The following ACSF2 variants were observed in gnomAD, a reference collection of about 807,000 sequenced individuals.
ACSF2 encodes medium-chain acyl-CoA ligase ACSF2, mitochondrial.
Under a neutral mutation model 79.3 loss-of-function variants are expected in ACSF2, and 52 were observed. The observed-to-expected ratio is 0.66, with a 90% CI of 0.53 to 0.83. ACSF2 has a LOEUF of 0.83. Among genes scored for constraint, ACSF2 ranks in the 40% least tolerant of loss-of-function variants. The pLI is 0.00. For missense variants in ACSF2, 661 were observed against 803.3 expected (o/e 0.82, Z 2.14); for synonymous variants, 283 against 312.6 (o/e 0.91, Z 1.00).
intron 9 of ACSF2, 129 bp from the exon 10 acceptor site, chr17:50,464,089 G>A (rs1393590160): frequency 1.4e-5 from 17 of 1,254,380 alleles, no homozygotes; most frequent in Admixed American, 1.2e-4. Flanking sequence ...AGGGCCAGCT[G>A]CCAGGTGTAG....
intron 3 of ACSF2, 63 bp from the exon 4 acceptor site, chr17:50,461,570 G>A: frequency 6.2e-7 from 1 of 1,608,824 alleles, no homozygotes; most frequent in Non-Finnish European, 8.5e-7. Context: ...CCTGGGGGCG[G>A]AGGGGCAGCA....
intron 10 of ACSF2, chr17:50,468,881 A>G (rs2032940712): frequency 6.9e-7 from 1 of 1,440,620 alleles, no homozygotes; most frequent in Non-Finnish European, 9.0e-7. Context: ...GGCGAGTCCT[A>G]GGCGCTCGGG....
At position 50,433,823 on chromosome 17, in the gene ACSF2, C is replaced by T. The variant is rs186906607; in HGVS notation, c.128+7434C>T. ...TTGTTTTGGTAGAGACAGATTTCCA[C>T]TTTGTTGCCCCAGGTGGTCTCAAAC... On this transcript the variant is annotated intron_variant, in intron 1 of 15. Transcript: ENST00000300441. Among the ~76,000 whole-genome samples the T allele has an allele frequency of 2.8e-3, 433 of 152,136 alleles. 2 individuals carry two copies. Among genetic ancestry groups the T allele is most frequent in the Non-Finnish European group, 4.9e-3 (331 of 67,986 alleles).
chr17:50,457,169 C>G (rs777497497), intron 1 of ACSF2, among the ~76,000 whole-genome samples: 2 of 152,232 alleles, frequency 1.3e-5, no homozygotes, highest in East Asian at 3.8e-4. Flanking sequence ...CTGGCCTGCT[C>G]TAGGTGACAG....
intron 10 of ACSF2, among the ~76,000 whole-genome samples, chr17:50,466,168 G>T (rs2032709407): frequency 6.9e-6 from 1 of 145,820 alleles, no homozygotes; most frequent in Non-Finnish European, 1.5e-5. Context: ...CTCACTGCAA[G>T]CTCCGCCTCC....
chr17:50,445,975 T>G (rs1243404897), intron 1 of ACSF2, among the ~76,000 whole-genome samples: 1 of 152,188 alleles, frequency 6.6e-6, no homozygotes, highest in Non-Finnish European at 1.5e-5. Flanking sequence ...ACAGTCACAT[T>G]GTACCATGAC....
chr17:50,474,146 C>A lies in ACSF2; in HGVS notation c.1729-53C>A. 1.2e-6 allele frequency: 2 copies of A among 1,608,568 alleles called. No individual in the cohort carries two copies. The highest frequency in any genetic ancestry group is 1.1e-5 in the South Asian group (1 of 90,946). On this transcript the variant is annotated intron_variant, in intron 14 of 15. Coordinates refer to ENST00000300441, the MANE Select transcript of ACSF2 (RefSeq NM_025149.6). This position sits in a 1 kb window ranked among gnomAD's most constrained non-coding sequence, Gnocchi z 4.2. Reference sequence around the variant, plus strand: ...GCCAGCCCCTGGTCCCCTACCCATACCCCTGTGAGCTTGCGCAGCCTCACG... The same window carrying A: ...GCCAGCCCCTGGTCCCCTACCCATAACCCTGTGAGCTTGCGCAGCCTCACG...
Position 50,473,792 on chromosome 17 carries a change from G to C in ACSF2, c.1603G>C (p.Val535Leu). 6.2e-7 allele frequency: 1 copy of C among 1,614,212 alleles called. No individual in the cohort carries two copies. The highest frequency in any genetic ancestry group is 8.5e-7 in the Non-Finnish European group (1 of 1,180,032). The part of the protein sequence containing the change: ...LEDFFHTHPK[V>L]QEVQVVGVKD... ...GGACTTCTTTCACACACACCCGAAG[G>C]TGCAGGAAGTGCAGGTGAGGCACTT... The change falls in exon 13 of 16, where the codon GTG (valine) becomes CTG (leucine). Residue 535 changes from valine to leucine, a missense_variant. Physicochemically the swap from Val to Leu is conservative, Grantham distance 32. Coordinates refer to ENST00000300441, the MANE Select transcript of ACSF2 (RefSeq NM_025149.6).
intron 1 of ACSF2, 75 bp downstream of exon 1, chr17:50,426,464 C>A: frequency 7.9e-7 from 1 of 1,268,214 alleles, no homozygotes; most frequent in South Asian, 3.1e-5. Flanking sequence ...CGGCGAGCTT[C>A]GGAAGCCCCA....
chr17:50,465,386 T>C, intron 10 of ACSF2: 1 of 1,613,894 alleles, frequency 6.2e-7, no homozygotes, highest in Non-Finnish European at 8.5e-7. Context: ...GCCCTTGAAC[T>C]TGGCAGGTGA....
intron 1 of ACSF2, among the ~76,000 whole-genome samples, chr17:50,449,236 C>T (rs969647810): frequency 4.6e-5 from 7 of 151,798 alleles, no homozygotes; most frequent in Non-Finnish European, 8.8e-5. Context: ...AGGGTGCTCT[C>T]GAACTCCTGA....
chr17:50,437,015 C>T (rs2030483246), intron 1 of ACSF2, among the ~76,000 whole-genome samples: 1 of 152,170 alleles, frequency 6.6e-6, no homozygotes, highest in Non-Finnish European at 1.5e-5. Context: ...CCTGCACAAG[C>T]ATTGGCCATC....
At chr17:50,455,165 T>C (rs1439332112) in intron 1 of ACSF2, among the ~76,000 whole-genome samples, 1 of 152,158 alleles carries the variant, frequency 6.6e-6, no homozygotes, top group African/African-American at 2.4e-5. Flanking sequence ...GTATTTTTAG[T>C]AGAGATGGGG....
intron 1 of ACSF2, among the ~76,000 whole-genome samples, chr17:50,427,516 C>T (rs557587565): frequency 2.2e-4 from 33 of 152,090 alleles, no homozygotes; most frequent in Non-Finnish European, 4.4e-5. Context: ...AAGTCACTCA[C>T]TACTTCCCAG....
In ACSF2 at chr17:50,474,402, T is replaced by A; in HGVS notation, c.1798-100T>A. 6.6e-7 allele frequency: 1 copy of A among 1,517,566 alleles called. No individual in the cohort carries two copies. The highest frequency in any genetic ancestry group is 9.1e-7 in the Non-Finnish European group (1 of 1,094,800). 94.0% of individuals were successfully genotyped at this position (1,517,566 alleles called of 1,614,324 possible). ...CCGGGTCACCTAATCCTGGTTTGCCTGGGGACTTTCCCTGTTTTGGCACTA... is the reference window on the plus strand; with the variant it reads ...CCGGGTCACCTAATCCTGGTTTGCCAGGGGACTTTCCCTGTTTTGGCACTA... On this transcript the variant is annotated intron_variant, in intron 15 of 15. Coordinates refer to ENST00000300441, the MANE Select transcript of ACSF2 (RefSeq NM_025149.6). This position sits in a 1 kb window ranked among gnomAD's most constrained non-coding sequence, Gnocchi z 4.2.
chr17:50,432,712 T>A (rs2030035724), intron 1 of ACSF2, among the ~76,000 whole-genome samples: 1 of 152,216 alleles, frequency 6.6e-6, no homozygotes, highest in Non-Finnish European at 1.5e-5. Context: ...GTGGCATGCA[T>A]GTATTCCTCC....
rs909672538 is a variant in ACSF2 at position 50,435,696 on chromosome 17, C to T, written c.128+9307C>T. Among the ~76,000 whole-genome samples, 12 of 151,896 alleles carry T rather than the reference C, an allele frequency of 7.9e-5. No individual in the cohort carries two copies. In the South Asian group the frequency reaches 1.0e-3, roughly 13 times the overall value. ...CAAAGTGCTAAGATTACTTTACAGA[C>T]GTGAGCCACTATGCCCAGCCCATAT... On this transcript the variant is annotated intron_variant, in intron 1 of 15. Transcript: ENST00000300441.
chr17:50,443,543 C>T (rs1329275113), intron 1 of ACSF2, among the ~76,000 whole-genome samples: 1 of 152,186 alleles, frequency 6.6e-6, no homozygotes, highest in Non-Finnish European at 1.5e-5. Flanking sequence ...TTTGAGCTCT[C>T]TTTAAGCAAT....
rs147418298 is a variant in ACSF2 at position 50,444,151 on chromosome 17, C to T, written c.129-16526C>T. ...TGTAATGTTTCATTTATTACAGTAT[C>T]AGACAGGTTGAATTATTTTATATCT... On this transcript the variant is annotated intron_variant, in intron 1 of 15. Transcript: ENST00000300441. 8.3e-4 allele frequency among the ~76,000 whole-genome samples: 127 copies of T among 152,252 alleles called. 1 individual carries two copies. In the East Asian group the frequency reaches 0.021, roughly 25 times the overall value.
Sources: gnomAD v4.1 joint callset for allele counts (sites outside exome capture counted in the v4.1 genomes callset) on GRCh38, gnomAD v4.1.1 for gene constraint, Gnocchi (gnomAD v3.1) non-coding constraint, MANE v1.5 for transcripts, NCBI Gene and HGNC (gene_info 2026-07-23, HGNC 2026-07-21) for gene names.